Variants in THNSL1 observed in about 807,000 individuals in gnomAD.
THNSL1 encodes threonine synthase-like 1.
In THNSL1, 48 loss-of-function variants were observed where a neutral mutation model predicts 50.4. The ratio of observed to expected loss-of-function variants is 0.95; its 90% CI spans 0.76 to 1.21. THNSL1 has a LOEUF of 1.21. Ranked by LOEUF, THNSL1 falls within the 50% of genes most tolerant of loss-of-function variation. The pLI, the probability that THNSL1 is intolerant of heterozygous loss-of-function variation, is 0.00. For missense variants in THNSL1, 896 were observed against 871.7 expected, an observed-to-expected ratio of 1.03 and a Z score of -0.35; for synonymous variants, 309 against 306.1, an observed-to-expected ratio of 1.01 and a Z score of -0.10.
At chr10:25,015,875 G>A (rs1423225949), upstream of THNSL1, 2 of 1,605,958 alleles carry the variant, frequency 1.2e-6, no homozygotes, top group Admixed American at 3.4e-5. Context: ...AGGCTGGGGA[G>A]GCTCCTTCAA....
At chr10:24,999,296 A>G in the THNSL1 span, 1 of 1,121,446 alleles carries the variant, frequency 8.9e-7, no homozygotes, top group Non-Finnish European at 1.3e-6. Flanking sequence ...ATATGAGGTA[A>G]AGCTGCTATC....
chr10:24,955,042 A>T, the THNSL1 span, among the ~76,000 whole-genome samples: 3 of 152,228 alleles, frequency 2.0e-5, no homozygotes, highest in African/African-American at 7.2e-5. Flanking sequence ...TAATTGACTC[A>T]CAGTTCTGCA....
At chr10:24,991,273 A>G in the THNSL1 span, among the ~76,000 whole-genome samples, 2 of 151,982 alleles carry the variant, frequency 1.3e-5, no homozygotes, top group East Asian at 3.9e-4. Context: ...TGGCTTTTCT[A>G]CCTTCTACCT....
At chr10:24,990,439 G>T in the THNSL1 span, 1 of 1,595,346 alleles carries the variant, frequency 6.3e-7, no homozygotes, top group Non-Finnish European at 8.5e-7. Flanking sequence ...AGTTACAGAT[G>T]AATGTAAATG....
the THNSL1 span, among the ~76,000 whole-genome samples, chr10:25,001,130 T>C: frequency 6.6e-6 from 1 of 152,084 alleles, no homozygotes; most frequent in East Asian, 1.9e-4. Flanking sequence ...TATTTACCCA[T>C]ATATTTGCCA....
the THNSL1 span, among the ~76,000 whole-genome samples, chr10:24,978,118 C>T: frequency 6.6e-6 from 1 of 152,148 alleles, no homozygotes; most frequent in Non-Finnish European, 1.5e-5. Context: ...CCTTTTTACA[C>T]CAGTCCTGTG....
chr10:24,988,231 AATGTATATATATATATAT>A, the THNSL1 span, among the ~76,000 whole-genome samples: 71 of 144,098 alleles, frequency 4.9e-4, no homozygotes, highest in African/African-American at 1.7e-3. Flanking sequence ...CTCAAAAAAA[AATGTATATATATATATAT>A]ATGTGTATAT....
the THNSL1 span, among the ~76,000 whole-genome samples, chr10:24,968,740 G>C: frequency 6.6e-6 from 1 of 152,190 alleles, no homozygotes; most frequent in Non-Finnish European, 1.5e-5. Flanking sequence ...CAGACCAATT[G>C]TTCGAAAACC....
chr10:24,989,852 C>T, the THNSL1 span, among the ~76,000 whole-genome samples: 12 of 152,158 alleles, frequency 7.9e-5, no homozygotes, highest in Admixed American at 2.0e-4. Flanking sequence ...TTTAATTAAA[C>T]GCTCATACAA....
At chr10:24,992,903 G>GA in the THNSL1 span, among the ~76,000 whole-genome samples, 1 of 152,166 alleles carries the variant, frequency 6.6e-6, no homozygotes, top group Admixed American at 6.5e-5. Context: ...AACACTGAAG[G>GA]AAACACCTCA....
the THNSL1 span, among the ~76,000 whole-genome samples, chr10:24,987,797 G>T: frequency 1.3e-5 from 2 of 152,098 alleles, no homozygotes; most frequent in Non-Finnish European, 2.9e-5. Flanking sequence ...TGACCAAAGA[G>T]AAATGAAAAT....
chr10:24,997,961 T>C, the THNSL1 span, among the ~76,000 whole-genome samples: 11 of 152,122 alleles, frequency 7.2e-5, no homozygotes, highest in Non-Finnish European at 1.2e-4. Flanking sequence ...TTGTTGGTCA[T>C]AGAATGCTGG....
At chr10:24,986,591 C>A in the THNSL1 span, among the ~76,000 whole-genome samples, 2 of 152,078 alleles carry the variant, frequency 1.3e-5, no homozygotes, top group African/African-American at 4.8e-5. Flanking sequence ...TGTACATTTG[C>A]GGATATCAAA....
chr10:25,015,723 A>C (rs1016224119), upstream of THNSL1: 4 of 760,512 alleles, frequency 5.3e-6, no homozygotes, highest in Non-Finnish European at 7.5e-6. Context: ...TTCTCTAACA[A>C]GTTATCCTCC....
the THNSL1 span, among the ~76,000 whole-genome samples, chr10:24,955,219 T>C: frequency 1.3e-5 from 2 of 152,128 alleles, no homozygotes; most frequent in African/African-American, 2.4e-5. Flanking sequence ...TCACTCACTA[T>C]AACGAGAACA....
rs750692512 is a variant in THNSL1 at position 25,024,318 on chromosome 10, T to C, written c.1095T>C (p.Cys365=). 1 of 1,614,208 alleles carries C rather than the reference T, an allele frequency of 6.2e-7. No individual in the cohort carries two copies. The highest frequency in any genetic ancestry group is 8.5e-7 in the Non-Finnish European group (1 of 1,180,030). Residue 365 remains cysteine, a synonymous_variant, in exon 3 of 3, where the codon TGT becomes TGC. Transcript: ENST00000376356. Reference sequence around the variant, plus strand: ...TTATGCCTCATATTTTTGCACACTGTATCCCACCAAGTTGCAATTATATGA... The same window carrying C: ...TTATGCCTCATATTTTTGCACACTGCATCCCACCAAGTTGCAATTATATGA... The part of the protein sequence containing the change: ...LQLMPHIFAH[C]IPPSCNYMIL...
the THNSL1 span, among the ~76,000 whole-genome samples, chr10:24,998,423 A>G: frequency 1.4e-5 from 2 of 145,542 alleles, no homozygotes; most frequent in East Asian, 2.0e-4. Flanking sequence ...TGTCCAGGCT[A>G]GAAGGCTGTG....
At chr10:24,995,929 T>C in the THNSL1 span, 4 of 1,330,278 alleles carry the variant, frequency 3.0e-6, no homozygotes, top group Non-Finnish European at 4.1e-6. Context: ...CTCAGTGCTA[T>C]TTATAATATC....
chr10:24,981,291 A>C, the THNSL1 span, among the ~76,000 whole-genome samples: 13 of 152,214 alleles, frequency 8.5e-5, no homozygotes, highest in Non-Finnish European at 1.9e-4. Flanking sequence ...ACAACCTTGC[A>C]GACCTTTCTC....
Sources: allele counts gnomAD v4.1 joint callset (sites outside exome capture counted in the v4.1 genomes callset), GRCh38; gene constraint gnomAD v4.1.1; transcripts MANE v1.5; gene names NCBI Gene and HGNC (gene_info 2026-07-23, HGNC 2026-07-21).